Variants in ZNF557 observed in about 807,000 individuals in gnomAD.
ZNF557 encodes CTB-25J19.9.
Under a neutral mutation model 21.2 loss-of-function variants are expected in ZNF557, and 19 were observed. The ratio of observed to expected loss-of-function variants is 0.90; its 90% CI spans 0.63 to 1.32. ZNF557 has a LOEUF of 1.32. Ranked by LOEUF, ZNF557 falls within the 40% of genes most tolerant of loss-of-function variation. ZNF557 has a pLI of 0.00. For synonymous variants in ZNF557, 207 were observed against 194.8 expected (o/e 1.06, Z -0.52); for missense variants, 487 against 519.8 (o/e 0.94, Z 0.61).
intron 5 of ZNF557, among the ~76,000 whole-genome samples, chr19:7,077,883 C>T (rs1257477789): frequency 6.6e-6 from 1 of 151,940 alleles, no homozygotes; most frequent in Non-Finnish European, 1.5e-5. Flanking sequence ...GTTTTTATTT[C>T]TATTCCCTAA....
intron 1 of ZNF557, among the ~76,000 whole-genome samples, chr19:7,070,289 A>C (rs1339089241): frequency 4.6e-5 from 7 of 152,220 alleles, no homozygotes; most frequent in Admixed American, 4.6e-4. Context: ...GAGTCACCAT[A>C]CAATCTCCAG....
Position 7,083,089 on chromosome 19 carries a change from G to C in ZNF557, c.638G>C (p.Cys213Ser). 6.2e-7 allele frequency: 1 copy of C among 1,614,120 alleles called. No individual in the cohort carries two copies. Among genetic ancestry groups the C allele is most frequent in the Non-Finnish European group, 8.5e-7 (1 of 1,179,984 alleles). ...GAGAAACCCTATGAATGCAATGACT[G>C]TGGGAAAACCTTCAGCAGCAGATCT... ...NGEKPYECNDCGKTFSSRSYL... is the reference protein window; with the variant it reads ...NGEKPYECNDSGKTFSSRSYL... The change falls in exon 8 of 8, where the codon TGT becomes TCT. Residue 213 changes from cysteine to serine, a missense_variant. Coordinates refer to ENST00000252840, the MANE Select transcript of ZNF557 (RefSeq NM_024341.3).
Position 7,081,988 on chromosome 19 carries a change from A to T in ZNF557, c.362A>T (p.Lys121Ile). The change falls in exon 7 of 8, where the codon AAA becomes ATA. Residue 121 changes from lysine to isoleucine, a missense_variant. Physicochemically the swap from Lys to Ile is moderately radical, Grantham distance 102. Coordinates refer to ENST00000252840, the MANE Select transcript of ZNF557 (RefSeq NM_024341.3). ...GTCPDVENPFKAKGLTPKLHV... is the reference protein window; with the variant it reads ...GTCPDVENPFIAKGLTPKLHV... Reference sequence around the variant, plus strand: ...GTTTCAGATGTGGAGAATCCATTTAAAGCCAAAGGGTTAACTCCTAAGCTG... The same window carrying T: ...GTTTCAGATGTGGAGAATCCATTTATAGCCAAAGGGTTAACTCCTAAGCTG... 1 of 1,613,944 alleles carries T rather than the reference A, an allele frequency of 6.2e-7. No homozygotes were observed. Among genetic ancestry groups the T allele is most frequent in the South Asian group, 1.1e-5 (1 of 91,076 alleles).
chr19:7,074,196 T>C (rs1599838536), intron 2 of ZNF557, among the ~76,000 whole-genome samples: 2 of 151,674 alleles, frequency 1.3e-5, no homozygotes, highest in East Asian at 1.9e-4. Flanking sequence ...TTAGTAGAGA[T>C]GGGGTTTCAC....
Position 7,075,722 on chromosome 19 carries a change from GCTC to G in ZNF557, c.102_104del (p.Leu35del). 1 of 1,613,508 alleles carries G rather than the reference GCTC, an allele frequency of 6.2e-7. No individual in the cohort carries two copies. Among genetic ancestry groups the G allele is most frequent in the South Asian group, 1.1e-5 (1 of 91,086 alleles). On this transcript the variant is annotated inframe_deletion, in exon 4 of 8. Transcript: ENST00000252840. Reference sequence around the variant, plus strand: ...CAGAGGGCGGAGAGCTGGTTAATGAGCTCCTGAAAAGCTGGCTAAAGGTGAGTC... The same window carrying G: ...CAGAGGGCGGAGAGCTGGTTAATGAGCTGAAAAGCTGGCTAAAGGTGAGTC...
In ZNF557 at chr19:7,086,205, T is replaced by C. The variant is rs1348525741; in HGVS notation, c.*2461T>C. 7.8e-6 allele frequency: 1 copy of C among 128,562 alleles called. No individual in the cohort carries two copies. The highest frequency in any genetic ancestry group is 1.6e-5 in the Non-Finnish European group (1 of 63,302). The allele number at this position is 128,562 out of a possible 1,614,324, so 8.0% of individuals were successfully genotyped here. On this transcript the variant is annotated 3_prime_UTR_variant, in exon 8 of 8. Transcript: ENST00000252840. ...AAGATCATGCCACTTCACTCCAGCC[T>C]GGGCAAAAGAGTGCAACTCTGTCTC...
chr19:7,078,485 C>T (rs1977628617), intron 5 of ZNF557, among the ~76,000 whole-genome samples: 1 of 150,266 alleles, frequency 6.7e-6, no homozygotes, highest in Non-Finnish European at 1.5e-5. Flanking sequence ...GGCTGGAGTG[C>T]ACTGGCACGA....
intron 1 of ZNF557, 134 bp from the exon 2 acceptor site, chr19:7,070,428 C>G (rs1977434650): frequency 6.6e-6 from 1 of 152,146 alleles, no homozygotes; most frequent in Non-Finnish European, 1.5e-5. Flanking sequence ...TTCTTTAAAT[C>G]AATTTTTTTT....
intron 2 of ZNF557, 105 bp downstream of exon 2, chr19:7,070,758 G>A (rs1315664149): frequency 7.6e-6 from 1 of 131,884 alleles, no homozygotes; most frequent in African/African-American, 2.9e-5. Context: ...CTCACTAACA[G>A]TGAGGGTATT....
chr19:7,086,897 C>G lies in ZNF557; in HGVS notation c.*3153C>G, dbSNP rs1212948176. On this transcript the variant is annotated 3_prime_UTR_variant, in exon 8 of 8. Transcript: ENST00000252840. ...TACAAAAATTAGCTGGGCGTGATGA[C>G]AGGTGCCTGTAATCCCAGCTACTTG... 1 of 151,910 alleles carries G rather than the reference C, an allele frequency of 6.6e-6. No individual in the cohort carries two copies. Among genetic ancestry groups the G allele is most frequent in the Non-Finnish European group, 1.5e-5 (1 of 68,006 alleles). 9.4% of individuals were successfully genotyped at this position (151,910 alleles called of 1,614,324 possible).
At chr19:7,076,314 GC>G (rs1320247222) in intron 4 of ZNF557, 66 bp from the exon 5 acceptor site, 1 of 1,613,788 alleles carries the variant, frequency 6.2e-7, no homozygotes, top group Non-Finnish European at 8.5e-7. Context: ...TGTTCTCCTG[GC>G]CCCTCTTCCT....
At chr19:7,070,453 G>C (rs1477021706) in intron 1 of ZNF557, 109 bp from the exon 2 acceptor site, 3 of 152,126 alleles carry the variant, frequency 2.0e-5, no homozygotes, top group Non-Finnish European at 4.4e-5. Flanking sequence ...GAATGGGGTG[G>C]TCTTTCTATG....
intron 2 of ZNF557, among the ~76,000 whole-genome samples, chr19:7,073,148 G>GTTTTTTTTTTTTTTTTTTTTTTTTTTTT (rs72453814): frequency 2.2e-5 from 1 of 45,356 alleles, no homozygotes. Context: ...TGTTTTTTTG[G>GTTTTTTTTTTTTTTTTTTTTTTTTTTTT]TTTTTTTTGT....
intron 6 of ZNF557, 121 bp downstream of exon 6, chr19:7,081,576 C>T: frequency 1.5e-6 from 1 of 680,316 alleles, no homozygotes; most frequent in Non-Finnish European, 2.5e-6. Flanking sequence ...GCCCCTTTTC[C>T]CAAGAAGGCC....
chr19:7,083,087 C>T lies in ZNF557; in HGVS notation c.636C>T (p.Asp212=). The part of the protein sequence containing the change: ...HNGEKPYECN[D]CGKTFSSRSY... ...GGGAGAAACCCTATGAATGCAATGA[C>T]TGTGGGAAAACCTTCAGCAGCAGAT... The change falls in exon 8 of 8, where the codon GAC becomes GAT. Residue 212 remains aspartate (D), a synonymous_variant. Transcript: ENST00000252840. 3.1e-6 allele frequency: 5 copies of T among 1,613,864 alleles called. No homozygotes were observed. Among genetic ancestry groups the T allele is most frequent in the Non-Finnish European group, 4.2e-6 (5 of 1,179,900 alleles).
intron 6 of ZNF557, 78 bp downstream of exon 6, chr19:7,081,533 A>G: frequency 1.0e-6 from 1 of 952,816 alleles, no homozygotes; most frequent in Non-Finnish European, 1.6e-6. Flanking sequence ...ATTATAATAC[A>G]TTAGGAAATA....
intron 5 of ZNF557, among the ~76,000 whole-genome samples, chr19:7,079,112 C>T (rs866926918): frequency 6.6e-6 from 1 of 152,110 alleles, no homozygotes; most frequent in Middle Eastern, 3.4e-3. Flanking sequence ...TTTCCATTAA[C>T]TCCTTGAGCA....
Position 7,083,470 on chromosome 19 carries a change from G to A in ZNF557, c.1019G>A (p.Arg340Lys). The A allele has an allele frequency of 6.2e-7, 1 of 1,614,162 alleles. No individual in the cohort carries two copies. Among genetic ancestry groups the A allele is most frequent in the East Asian group, 2.2e-5 (1 of 44,886 alleles). The stretch of plus-strand genomic sequence containing the variant: ...AGGTCGAATCTGACACAGCACATAA[G>A]AACTCATACTGGAGAAAAACCCTAC... ...RRRSNLTQHI[R>K]THTGEKPYTC... is the part of the protein sequence containing the mutation. The change falls in exon 8 of 8, where the codon AGA becomes AAA. Residue 340 changes from arginine (R) to lysine (K), a missense_variant. Coordinates refer to ENST00000252840, the MANE Select transcript of ZNF557 (RefSeq NM_024341.3).
intron 1 of ZNF557, among the ~76,000 whole-genome samples, chr19:7,070,299 G>A (rs1334290400): frequency 2.0e-5 from 3 of 152,196 alleles, no homozygotes; most frequent in Non-Finnish European, 4.4e-5. Flanking sequence ...ACAATCTCCA[G>A]CCAAATGAGT....
Sources: allele counts gnomAD v4.1 joint callset (sites outside exome capture counted in the v4.1 genomes callset), GRCh38; gene constraint gnomAD v4.1.1; transcripts MANE v1.5; gene names NCBI Gene and HGNC (gene_info 2026-07-23, HGNC 2026-07-21).